Variants in LONP2 observed in about 807,000 individuals in gnomAD.
LONP2 encodes the protein lon protease homolog 2, peroxisomal.
A neutral mutation model predicts 85.6 loss-of-function variants in LONP2; 60 were observed. The observed-to-expected ratio is 0.70, with a 90% CI of 0.57 to 0.87. The LOEUF (loss-of-function observed/expected upper bound fraction) is 0.87. Ranked by LOEUF, LONP2 falls within the 40% of genes least tolerant of loss-of-function variation. The probability of loss-of-function intolerance (pLI) is 0.00; values close to 1 mark genes in which losing one functional copy is unlikely to be tolerated. For missense variants in LONP2, 860 were observed against 1,063.5 expected (o/e 0.81, Z 2.66); for synonymous variants, 395 against 389.7 (o/e 1.01, Z -0.16).
At chr16:48,277,225 T>C (rs1384406154) in intron 7 of LONP2, 113 bp from the exon 8 acceptor site, 2 of 975,740 alleles carry the variant, frequency 2.0e-6, no homozygotes, top group African/African-American at 3.3e-5. Context: ...CTCTTTGCTA[T>C]ATTATAGTGA....
intron 11 of LONP2, among the ~76,000 whole-genome samples, chr16:48,327,953 C>T (rs1230268805): frequency 6.6e-6 from 1 of 151,908 alleles, no homozygotes; most frequent in Non-Finnish European, 1.5e-5. Context: ...TGGTCAGAGC[C>T]CTGTCTGTGG....
At chr16:48,257,276 A>G (rs929709573) in intron 3 of LONP2, among the ~76,000 whole-genome samples, 8 of 152,132 alleles carry the variant, frequency 5.3e-5, no homozygotes, top group Non-Finnish European at 1.0e-4. Flanking sequence ...GCACCACTGC[A>G]CTCCAGCCTG....
At chr16:48,268,001 G>C (rs1972027256) in intron 6 of LONP2, among the ~76,000 whole-genome samples, 1 of 152,304 alleles carries the variant, frequency 6.6e-6, no homozygotes, top group African/African-American at 2.4e-5. Flanking sequence ...AAGCAGAGAG[G>C]AAAGAGTTGT....
intron 8 of LONP2, among the ~76,000 whole-genome samples, chr16:48,279,344 G>C (rs866857860): frequency 4.6e-5 from 7 of 152,100 alleles, no homozygotes; most frequent in Admixed American, 1.3e-4. Flanking sequence ...TCAGCTGGCT[G>C]TGCTGTTTGG....
intron 8 of LONP2, among the ~76,000 whole-genome samples, chr16:48,294,193 G>A (rs561979489): frequency 1.4e-4 from 21 of 151,998 alleles, no homozygotes; most frequent in Non-Finnish European, 2.1e-4. Flanking sequence ...TGCCTGCTTC[G>A]GCCTCCCAAA....
At chr16:48,275,390 A>G (rs1295576484) in intron 7 of LONP2, among the ~76,000 whole-genome samples, 1 of 152,112 alleles carries the variant, frequency 6.6e-6, no homozygotes, top group Non-Finnish European at 1.5e-5. Flanking sequence ...TTACAGCTCT[A>G]TATCTAGCCT....
intron 9 of LONP2, among the ~76,000 whole-genome samples, chr16:48,297,833 G>A (rs1324604552): frequency 6.6e-6 from 1 of 152,014 alleles, no homozygotes; most frequent in Non-Finnish European, 1.5e-5. Flanking sequence ...ACAAGTAGCT[G>A]GGACTACAGG....
Position 48,270,068 on chromosome 16 carries a change from CA to C in LONP2, c.1036del (p.Met346TrpfsTer4). Reference sequence around the variant, plus strand: ...TTCTTCTGGATAATGACCATTACGCCATGGAAAAATTGAAGAAAAGAGTACT... The same window carrying C: ...TTCTTCTGGATAATGACCATTACGCCTGGAAAAATTGAAGAAAAGAGTACT... ...RILLDNDHYAMEKLKKRVLEY... is the reference protein window; with the variant it reads ...RILLDNDHYAXEKLKKRVLEY... On this transcript the variant is annotated frameshift_variant, in exon 7 of 15. Coordinates refer to ENST00000285737, the MANE Select transcript of LONP2 (RefSeq NM_031490.5). LOFTEE classifies it high-confidence loss of function. 6.2e-7 allele frequency: 1 copy of C among 1,613,922 alleles called. No individual in the cohort carries two copies. Among genetic ancestry groups the C allele is most frequent in the Non-Finnish European group, 8.5e-7 (1 of 1,179,934 alleles).
intron 2 of LONP2, among the ~76,000 whole-genome samples, chr16:48,254,899 G>A (rs1041511448): frequency 9.2e-5 from 14 of 152,082 alleles, no homozygotes; most frequent in Non-Finnish European, 1.3e-4. Flanking sequence ...TTTTATTTTC[G>A]TGGGGTGAAT....
chr16:48,341,056 C>A lies in LONP2; in HGVS notation c.1939-6451C>A, dbSNP rs150189906. ...TTGGCTCACACCTGTAATCCCAGCA[C>A]TTTGGGAGGCCAAGGGCAGGCGGAT... On this transcript the variant is annotated intron_variant, in intron 12 of 14. Transcript: ENST00000285737. 1.6e-3 allele frequency among the ~76,000 whole-genome samples: 243 copies of A among 152,290 alleles called. 1 individual carries two copies. Among genetic ancestry groups the A allele is most frequent in the African/African-American group, 5.4e-3 (225 of 41,550 alleles).
At chr16:48,358,984 ACCC>A (rs1175944319), downstream of LONP2, among the ~76,000 whole-genome samples, 2 of 152,162 alleles carry the variant, frequency 1.3e-5, no homozygotes, top group African/African-American at 4.8e-5. Flanking sequence ...CCACGAATAT[ACCC>A]AATATGTTTT....
intron 12 of LONP2, chr16:48,343,615 T>A (rs1230537822): frequency 2.0e-5 from 3 of 152,042 alleles, no homozygotes; most frequent in Non-Finnish European, 2.9e-5. Flanking sequence ...GGAGAATTGC[T>A]TGAACCCAGG....
chr16:48,329,623 C>A (rs557818706), intron 11 of LONP2, among the ~76,000 whole-genome samples: 18 of 152,264 alleles, frequency 1.2e-4, no homozygotes, highest in Non-Finnish European at 1.8e-4. Context: ...TCTGAACCAT[C>A]CTGCATTTCA....
At chr16:48,250,147 G>A (rs1218374887) in intron 1 of LONP2, among the ~76,000 whole-genome samples, 1 of 149,584 alleles carries the variant, frequency 6.7e-6, no homozygotes, top group African/African-American at 2.5e-5. Flanking sequence ...CCGAGATCAC[G>A]CCATTGTACG....
At chr16:48,358,904 AT>A, downstream of LONP2, among the ~76,000 whole-genome samples, 2 of 152,360 alleles carry the variant, frequency 1.3e-5, no homozygotes, top group Non-Finnish European at 2.9e-5. Flanking sequence ...GTGCAGTTTT[AT>A]AATTTCCAAA....
At chr16:48,270,420 A>G (rs1009899256) in intron 7 of LONP2, 146 bp downstream of exon 7, 17 of 901,784 alleles carry the variant, frequency 1.9e-5, no homozygotes, top group Non-Finnish European at 2.3e-5. Context: ...TACAAGAAGT[A>G]TCAGCTAGCC....
At chr16:48,302,769 T>G (rs1253399252) in intron 10 of LONP2, among the ~76,000 whole-genome samples, 13 of 152,234 alleles carry the variant, frequency 8.5e-5, no homozygotes, top group Non-Finnish European at 1.3e-4. Context: ...TCTCTTATTC[T>G]TTCAGTAGTA....
chr16:48,305,347 G>A (rs1374960148), intron 11 of LONP2, among the ~76,000 whole-genome samples: 1 of 152,050 alleles, frequency 6.6e-6, no homozygotes, highest in African/African-American at 2.4e-5. Flanking sequence ...CTCCGTCTCC[G>A]AGGTTCAAGT....
chr16:48,346,451 T>C (rs1310279718), intron 12 of LONP2, among the ~76,000 whole-genome samples: 1 of 152,160 alleles, frequency 6.6e-6, no homozygotes, highest in Non-Finnish European at 1.5e-5. Context: ...TGACAACATG[T>C]TCAATTTAAG....
Sources: gnomAD v4.1 joint callset for allele counts (sites outside exome capture counted in the v4.1 genomes callset) on GRCh38, gnomAD v4.1.1 for gene constraint, MANE v1.5 for transcripts, NCBI Gene and HGNC (gene_info 2026-07-23, HGNC 2026-07-21) for gene names.